Variants in SRRM3 observed in about 807,000 individuals in gnomAD.
SRRM3 encodes serine/arginine repetitive matrix 3.
Under a neutral mutation model 66.2 loss-of-function variants are expected in SRRM3, and 27 were observed. That is an observed-to-expected ratio of 0.41 (90% CI 0.30 to 0.56). The LOEUF is 0.56. Among genes scored for constraint, SRRM3 ranks in the 20% least tolerant of loss-of-function variants. SRRM3 has a pLI of 0.32. For missense variants in SRRM3, 918 were observed against 991.9 expected, an observed-to-expected ratio of 0.93 and a Z score of 1.00; for synonymous variants, 391 against 414.9, an observed-to-expected ratio of 0.94 and a Z score of 0.70.
chr7:76,269,358 C>T (rs1554610207), intron 11 of SRRM3: 1 of 152,150 alleles, frequency 6.6e-6, no homozygotes, highest in Non-Finnish European at 1.5e-5. Flanking sequence ...GGGTCTCAAA[C>T]CTGCATTCAG....
rs1344816735 is a variant in SRRM3, at chr7:76,285,707, G to T, written c.1826G>T (p.Arg609Leu). 1 of 1,550,828 alleles carries T rather than the reference G, an allele frequency of 6.4e-7. No individual in the cohort carries two copies. The highest frequency in any genetic ancestry group is 1.4e-5 in the African/African-American group (1 of 73,148). The change falls in exon 15 of 15, where the codon CGC (arginine) becomes CTC (leucine). Residue 609 changes from arginine to leucine, a missense_variant. Transcript: ENST00000611745. This position sits in a 1 kb window ranked among gnomAD's most constrained non-coding sequence, Gnocchi z 4.1. ...GACTACTCGACCCGGAGCCACAGCC[G>T]CAGCCCCAGCCCCGGCCACAGCCAC... ...SSDYSTRSHSRSPSPGHSHGS... is the reference protein window; with the variant it reads ...SSDYSTRSHSLSPSPGHSHGS...
At chr7:76,281,114 TTC>T (rs1491300082) in intron 11 of SRRM3, among the ~76,000 whole-genome samples, 4 of 149,844 alleles carry the variant, frequency 2.7e-5, no homozygotes, top group Non-Finnish European at 5.9e-5. Context: ...CCTGCTCTTT[TTC>T]TCTCTTCCTC....
chr7:76,256,294 G>A (rs1583914375), intron 3 of SRRM3, among the ~76,000 whole-genome samples: 1 of 152,236 alleles, frequency 6.6e-6, no homozygotes, highest in African/African-American at 2.4e-5. Flanking sequence ...ATCACCTGAG[G>A]TCAGGAGTTC....
At chr7:76,208,609 C>T (rs1240792723) in intron 1 of SRRM3, among the ~76,000 whole-genome samples, 1 of 151,658 alleles carries the variant, frequency 6.6e-6, no homozygotes, top group Non-Finnish European at 1.5e-5. Context: ...CTGAGGTGGG[C>T]AGATCACTTG....
chr7:76,230,570 GC>G (rs75704825), intron 1 of SRRM3, among the ~76,000 whole-genome samples: 16,921 of 151,596 alleles, frequency 0.11, 1,041 homozygotes, highest in South Asian at 0.16. Context: ...GATCACTGAA[GC>G]CCAGGAGGTC....
intron 13 of SRRM3, 41 bp from the exon 14 acceptor site, chr7:76,282,923 G>A: frequency 7.6e-7 from 1 of 1,309,132 alleles, no homozygotes; most frequent in East Asian, 3.2e-5. Context: ...GGGTGGAGCG[G>A]CCGGGCCGCG....
At position 76,265,929 on chromosome 7, in the gene SRRM3, C is replaced by T; in HGVS notation, c.830+461C>T. Among the ~76,000 whole-genome samples, 2 of 49,152 alleles carry T rather than the reference C, an allele frequency of 4.1e-5. 1 individual carries two copies. 32.2% of individuals were successfully genotyped at this position (49,152 alleles called of 152,430 possible). A position where few individuals can be genotyped will look rare whatever the true frequency, so the allele number is the denominator to read the frequency against. On this transcript the variant is annotated intron_variant, in intron 10 of 14. Transcript: ENST00000611745. ...TGTCGCCCAGGCTGGAGTGCAGTGG[C>T]GGGATCTCGGCTCACTGCAAGCTCC... is the stretch of plus-strand genomic sequence containing the variant.
At chr7:76,272,665 A>C (rs985284760) in intron 11 of SRRM3, among the ~76,000 whole-genome samples, 25 of 152,040 alleles carry the variant, frequency 1.6e-4, no homozygotes, top group African/African-American at 5.8e-4. Flanking sequence ...AAAAAACCCC[A>C]AAAAACAAAA....
intron 11 of SRRM3, chr7:76,268,368 G>A (rs969791762): frequency 8.1e-5 from 12 of 148,614 alleles, no homozygotes; most frequent in African/African-American, 3.0e-4. Flanking sequence ...GGGGGCTGCA[G>A]TGCTGGCAGG....
In SRRM3 at chr7:76,236,005, C is replaced by CAAAAA. The variant is rs1161706465; in HGVS notation, c.233+727_233+731dup. ...TGGGCAACAGATCGAGATTCTGTCT[C>CAAAAA]AAAAAAAAAAAAAAAAAAAAAAAAA... is the stretch of plus-strand genomic sequence containing the variant. On this transcript the variant is annotated intron_variant, in intron 2 of 14. Transcript: ENST00000611745. Among the ~76,000 whole-genome samples the CAAAAA allele has an allele frequency of 1.9e-3, 38 of 20,272 alleles. 3 individuals are homozygous for CAAAAA. Among genetic ancestry groups the CAAAAA allele is most frequent in the African/African-American group, 5.8e-3 (36 of 6,226 alleles). The allele number at this position is 20,272 out of a possible 152,430, so 13.3% of individuals were successfully genotyped here.
rs1802547802 is a variant in SRRM3, at chr7:76,282,483, C to T, written c.1371-165C>T. 8.8e-6 allele frequency: 4 copies of T among 457,030 alleles called. No homozygotes were observed. In the South Asian group the frequency reaches 1.2e-4, roughly 14 times the overall value. The allele number at this position is 457,030 out of a possible 1,614,324, so 28.3% of individuals were successfully genotyped here. A position where few individuals can be genotyped will look rare whatever the true frequency, so the allele number is the denominator to read the frequency against. ...CACGGGGCTCCCCCTGAACTGACCCCTGCCCCTCACTAGGCTCCGCGTTCA... is the reference window on the plus strand; with the variant it reads ...CACGGGGCTCCCCCTGAACTGACCCTTGCCCCTCACTAGGCTCCGCGTTCA... On this transcript the variant is annotated intron_variant, in intron 12 of 14. Coordinates refer to ENST00000611745, the MANE Select transcript of SRRM3 (RefSeq NM_001110199.3).
At chr7:76,215,793 ATTTTT>A (rs35624440) in intron 1 of SRRM3, among the ~76,000 whole-genome samples, 1 of 96,834 alleles carries the variant, frequency 1.0e-5, no homozygotes. Flanking sequence ...CACCTGGCTA[ATTTTT>A]TTTTTTTTTT....
At chr7:76,216,016 T>G (rs1172781919) in intron 1 of SRRM3, among the ~76,000 whole-genome samples, 33 of 151,134 alleles carry the variant, frequency 2.2e-4, no homozygotes, top group Admixed American at 2.2e-3. Flanking sequence ...ACCGTGTTAG[T>G]CAGGATGGTC....
At chr7:76,278,259 G>A (rs138256832) in intron 11 of SRRM3, among the ~76,000 whole-genome samples, 21 of 152,150 alleles carry the variant, frequency 1.4e-4, no homozygotes, top group African/African-American at 4.8e-4. Context: ...GGCCGAGGCA[G>A]GTGGATCACC....
chr7:76,282,832 A>C lies in SRRM3; in HGVS notation c.1555A>C (p.Ser519Arg). Residue 519 changes from serine (S) to arginine (R), a missense_variant, in exon 13 of 15, where the codon AGC becomes CGC. Physicochemically the swap from Ser to Arg is moderately radical, Grantham distance 110 (BLOSUM62 -1). Coordinates refer to ENST00000611745, the MANE Select transcript of SRRM3 (RefSeq NM_001110199.3). ...GCGCTCTGCGGAGAAGCGGCCCCAC[A>C]GCCCCAGCCGCTCGCCGTCGCCCAA... ...RSRSAEKRPH[S>R]PSRSPSPKKP... 6.9e-7 allele frequency: 1 copy of C among 1,457,056 alleles called. No individual in the cohort carries two copies. The highest frequency in any genetic ancestry group is 9.0e-7 in the Non-Finnish European group (1 of 1,109,620). 90.3% of individuals were successfully genotyped at this position (1,457,056 alleles called of 1,614,324 possible). A position where few individuals can be genotyped will look rare whatever the true frequency, so the allele number is the denominator to read the frequency against.
chr7:76,230,907 T>C (rs1488380470), intron 1 of SRRM3, among the ~76,000 whole-genome samples: 2 of 151,942 alleles, frequency 1.3e-5, no homozygotes, highest in African/African-American at 4.8e-5. Flanking sequence ...CCCACCATCA[T>C]GCCTGGCTAA....
At position 76,216,307 on chromosome 7, in the gene SRRM3, A is replaced by G. The variant is rs1342197094; in HGVS notation, c.-40+14240A>G. ...AGCAGTCTTCCCACCTCGGCCTCCC[A>G]AAGTGCTGGGATTACAGGCGTGAGC... is the stretch of plus-strand genomic sequence containing the variant. On this transcript the variant is annotated intron_variant, in intron 1 of 14. Transcript: ENST00000611745. 2.6e-5 allele frequency among the ~76,000 whole-genome samples: 4 copies of G among 151,898 alleles called. No homozygotes were observed. In the South Asian group the frequency reaches 8.3e-4, roughly 32 times the overall value.
chr7:76,264,224 A>T (rs1554609161), intron 8 of SRRM3, among the ~76,000 whole-genome samples: 2 of 150,134 alleles, frequency 1.3e-5, no homozygotes, highest in East Asian at 4.0e-4. Flanking sequence ...CTGGAGTGCA[A>T]AGGCGCGATC....
chr7:76,253,000 C>A (rs532649230), intron 3 of SRRM3, among the ~76,000 whole-genome samples: 1 of 151,074 alleles, frequency 6.6e-6, no homozygotes, highest in Non-Finnish European at 1.5e-5. Context: ...CCCGACTCTA[C>A]TAAAAATACA....
Sources: allele counts gnomAD v4.1 joint callset (sites outside exome capture counted in the v4.1 genomes callset), GRCh38; gene constraint gnomAD v4.1.1; non-coding constraint Gnocchi (gnomAD v3.1); transcripts MANE v1.5; gene names NCBI Gene and HGNC (gene_info 2026-07-23, HGNC 2026-07-21).